Variants in BRD9 observed in about 807,000 individuals in gnomAD.
The protein encoded by BRD9 is bromodomain containing 9.
BRD9 carries 47 observed loss-of-function variants against 68.7 expected under a neutral mutation model. The observed-to-expected ratio is 0.68, with a 90% CI of 0.54 to 0.87. The LOEUF is 0.87. Among genes scored for constraint, BRD9 ranks in the 40% least tolerant of loss-of-function variants. The pLI, the probability that BRD9 is intolerant of heterozygous loss-of-function variation, is 0.00. For missense variants in BRD9, 670 were observed against 748.4 expected, an observed-to-expected ratio of 0.90 and a Z score of 1.22; for synonymous variants, 313 against 293.9, an observed-to-expected ratio of 1.06 and a Z score of -0.67.
At chr5:884,183 C>G in intron 7 of BRD9, 113 bp from the exon 8 acceptor site, 2 of 1,365,254 alleles carry the variant, frequency 1.5e-6, no homozygotes, top group Non-Finnish European at 2.0e-6. Context: ...AGACACAGAG[C>G]TGGCAGAGCA....
At chr5:876,003 G>A (rs1750855957) in intron 12 of BRD9, 98 bp downstream of exon 12, 1 of 794,956 alleles carries the variant, frequency 1.3e-6, no homozygotes, top group Non-Finnish European at 2.0e-6. Flanking sequence ...CCCTGCGACA[G>A]CTCCTCGTCC....
rs1750124940 is a variant in BRD9 at position 871,521 on chromosome 5, C to T, written c.1422+5G>A. 5 of 1,614,046 alleles carry T rather than the reference C, an allele frequency of 3.1e-6. No individual in the cohort carries two copies. The highest frequency in any genetic ancestry group is 1.7e-5 in the Admixed American group (1 of 60,032). On this transcript the variant is annotated splice_donor_5th_base_variant and intron_variant, in intron 13 of 15. Coordinates refer to ENST00000467963, the MANE Select transcript of BRD9 (RefSeq NM_023924.5). ...TGGCTTGCCCTTCCATGTTCAAAAACTTACCTTGGCTTCATCTGGAGGCTT... is the reference window on the plus strand; with the variant it reads ...TGGCTTGCCCTTCCATGTTCAAAAATTTACCTTGGCTTCATCTGGAGGCTT...
intron 13 of BRD9, among the ~76,000 whole-genome samples, chr5:871,002 C>T (rs545770815): frequency 3.4e-5 from 5 of 146,826 alleles, no homozygotes; most frequent in African/African-American, 1.4e-4. Flanking sequence ...AACACATACT[C>T]TCTCATCAGC....
intron 14 of BRD9, among the ~76,000 whole-genome samples, chr5:867,017 T>A (rs1749469993): frequency 6.6e-6 from 1 of 152,168 alleles, no homozygotes; most frequent in South Asian, 2.1e-4. Flanking sequence ...GACACTGCCA[T>A]CACAGGCCTG....
At chr5:866,243 G>A (rs1749363726) in intron 14 of BRD9, 1 of 152,252 alleles carries the variant, frequency 6.6e-6, no homozygotes, top group Non-Finnish European at 1.5e-5. Flanking sequence ...CAGAACAAAG[G>A]CCGCCAGGCC....
At chr5:885,833 C>T (rs1345355592) in intron 7 of BRD9, among the ~76,000 whole-genome samples, 1 of 152,218 alleles carries the variant, frequency 6.6e-6, no homozygotes, top group African/African-American at 2.4e-5. Context: ...GCGATACTCT[C>T]GCTTTGTTTG....
In BRD9 at chr5:891,736, G is replaced by C; in HGVS notation, c.171C>G (p.Asp57Glu). Residue 57 changes from aspartate (D) to glutamate (E), a missense_variant, in exon 2 of 16, where the codon GAC becomes GAG. By Grantham distance (45) the Asp-to-Glu change is conservative. Coordinates refer to ENST00000467963, the MANE Select transcript of BRD9 (RefSeq NM_023924.5). ...TTTCTTTGTGCCTCTCTCGCTCATGGTCTGACCTGTCATCATAGTAACTGG... is the reference window on the plus strand; with the variant it reads ...TTTCTTTGTGCCTCTCTCGCTCATGCTCTGACCTGTCATCATAGTAACTGG... ...HDSSYYDDRS[D>E]HERERHKEKK... 1 of 1,551,476 alleles carries C rather than the reference G, an allele frequency of 6.4e-7. No homozygotes were observed.
intron 1 of BRD9, chr5:892,343 T>G: frequency 1.4e-6 from 1 of 739,992 alleles, no homozygotes. Context: ...CACAGATGCT[T>G]CCCTAGTCTC....
At chr5:869,141 C>A (rs1560893206) in intron 14 of BRD9, 1 of 303,608 alleles carries the variant, frequency 3.3e-6, no homozygotes, top group East Asian at 1.1e-4. Flanking sequence ...AAATAAAATT[C>A]TAAGCCCCAT....
At chr5:864,858 C>T (rs536029532) in intron 15 of BRD9, among the ~76,000 whole-genome samples, 9 of 152,332 alleles carry the variant, frequency 5.9e-5, no homozygotes, top group East Asian at 1.9e-4. Context: ...CAAAGTCATA[C>T]TGGGATATCG....
At position 864,413 on chromosome 5, in the gene BRD9, C is replaced by T. The variant is rs575914225; in HGVS notation, c.*55G>A. On this transcript the variant is annotated 3_prime_UTR_variant, in exon 16 of 16. Coordinates refer to ENST00000467963, the MANE Select transcript of BRD9 (RefSeq NM_023924.5). ...TCCTTGTCTGATGACAAAAACTCTACACGTGCAAAATAAAACTAAAAAAAT... is the reference window on the plus strand; with the variant it reads ...TCCTTGTCTGATGACAAAAACTCTATACGTGCAAAATAAAACTAAAAAAAT... 2 of 1,439,742 alleles carry T rather than the reference C, an allele frequency of 1.4e-6. No individual in the cohort carries two copies. The highest frequency in any genetic ancestry group is 1.9e-6 in the Non-Finnish European group (2 of 1,050,774). The allele number at this position is 1,439,742 out of a possible 1,614,324, so 89.2% of individuals were successfully genotyped here.
chr5:873,551 C>G (rs888780714), intron 12 of BRD9, among the ~76,000 whole-genome samples: 3 of 152,222 alleles, frequency 2.0e-5, no homozygotes, highest in Admixed American at 2.0e-4. Flanking sequence ...TCCTTATGCA[C>G]GACTCTGCCT....
intron 9 of BRD9, among the ~76,000 whole-genome samples, chr5:880,635 A>G (rs1162592638): frequency 1.3e-5 from 2 of 152,192 alleles, no homozygotes; most frequent in African/African-American, 4.8e-5. Context: ...AATTACTTCC[A>G]GGCCAACAAA....
intron 15 of BRD9, 118 bp downstream of exon 15, chr5:865,296 C>A (rs7702501): frequency 0.18 from 236,063 of 1,340,532 alleles, 36,387 homozygotes; most frequent in African/African-American, 0.78. Context: ...ACAACAGCAC[C>A]GCTGCCCATG....
intron 6 of BRD9, 33 bp from the exon 7 acceptor site, chr5:886,740 T>C (rs368833365): frequency 5.0e-6 from 8 of 1,613,734 alleles, no homozygotes; most frequent in Non-Finnish European, 6.8e-6. Flanking sequence ...ATAAACGACA[T>C]GCTGCGCTTC....
At chr5:875,651 T>C (rs1265722597) in intron 12 of BRD9, among the ~76,000 whole-genome samples, 1 of 152,188 alleles carries the variant, frequency 6.6e-6, no homozygotes, top group Non-Finnish European at 1.5e-5. Context: ...TTGGCCCAGA[T>C]GCTTTTTTAT....
At chr5:875,914 G>GCA (rs1176861408) in intron 12 of BRD9, among the ~76,000 whole-genome samples, 187 bp downstream of exon 12, 1 of 152,232 alleles carries the variant, frequency 6.6e-6, no homozygotes, top group Non-Finnish European at 1.5e-5. Flanking sequence ...GGAGTGGTGA[G>GCA]CACACAGTCA....
chr5:884,347 A>G (rs1193345070), intron 7 of BRD9, among the ~76,000 whole-genome samples: 9 of 152,272 alleles, frequency 5.9e-5, no homozygotes, highest in African/African-American at 9.6e-5. Flanking sequence ...TGCTTTAGCA[A>G]CAAAAGCAAC....
chr5:878,428 C>A lies in BRD9; in HGVS notation c.1198G>T (p.Asp400Tyr). The change falls in exon 11 of 16, where the codon GAC becomes TAC. Residue 400 changes from aspartate to tyrosine, a missense_variant. Physicochemically the swap from Asp to Tyr is radical, Grantham distance 160 (BLOSUM62 -3). Transcript: ENST00000467963. The stretch of plus-strand genomic sequence containing the variant: ...AGCTCCATCTCGTCCGACTTCAAGT[C>A]GCCAAATACTGAATTATTCTGCATC... The part of the protein sequence containing the change: ...LSMQNNSVFG[D>Y]LKSDEMELLY... 1 of 1,614,264 alleles carries A rather than the reference C, an allele frequency of 6.2e-7. No homozygotes were observed. The highest frequency in any genetic ancestry group is 8.5e-7 in the Non-Finnish European group (1 of 1,180,048).
Sources: allele counts gnomAD v4.1 joint callset (sites outside exome capture counted in the v4.1 genomes callset), GRCh38; gene constraint gnomAD v4.1.1; transcripts MANE v1.5; gene names NCBI Gene and HGNC (gene_info 2026-07-23, HGNC 2026-07-21).